The following FAM20C variants were observed in gnomAD, a reference collection of about 807,000 sequenced individuals.
The protein encoded by FAM20C is extracellular serine/threonine protein kinase FAM20C.
FAM20C carries 40 observed loss-of-function variants against 51.5 expected under a neutral mutation model. The ratio of observed to expected loss-of-function variants is 0.78; its 90% CI spans 0.60 to 1.01. The LOEUF (loss-of-function observed/expected upper bound fraction) is 1.01. Ranked by LOEUF, FAM20C falls within the 50% of genes least tolerant of loss-of-function variation. FAM20C has a pLI of 0.00. For synonymous variants in FAM20C, 406 were observed against 380.6 expected, an observed-to-expected ratio of 1.07 and a Z score of -0.78; for missense variants, 861 against 844.7, an observed-to-expected ratio of 1.02 and a Z score of -0.24.
intron 8 of FAM20C, among the ~76,000 whole-genome samples, chr7:258,005 C>T (rs1342568261): frequency 1.4e-5 from 1 of 72,972 alleles, no homozygotes; most frequent in Non-Finnish European, 2.8e-5. Flanking sequence ...GCCTGGGGTG[C>T]TGGAGATGGG....
In FAM20C at chr7:259,835, T is replaced by C. The variant is rs1267540009; in HGVS notation, c.1610T>C (p.Val537Ala). The C allele has an allele frequency of 6.5e-7, 1 of 1,536,130 alleles. No individual in the cohort carries two copies. Among genetic ancestry groups the C allele is most frequent in the East Asian group, 2.4e-5 (1 of 40,920 alleles). Residue 537 changes from valine to alanine, a missense_variant, in exon 10 of 10, where the codon GTG (valine) becomes GCG (alanine). Transcript: ENST00000313766. ...ESLRGDQVAP[V>A]LYQPHLEALD... ...CTGCGGGGGGACCAGGTGGCACCCG[T>C]GCTGTACCAGCCGCACCTGGAGGCC...
At chr7:259,602 C>G in intron 9 of FAM20C, 129 bp from the exon 10 acceptor site, 1 of 1,196,126 alleles carries the variant, frequency 8.4e-7, no homozygotes, top group Non-Finnish European at 1.1e-6. Context: ...TTCTCTCTGT[C>G]TCTGTCCCCC....
chr7:223,974 C>G lies in FAM20C; in HGVS notation c.863+14998C>G, dbSNP rs975791618. Among the ~76,000 whole-genome samples, 17 of 152,156 alleles carry G rather than the reference C, an allele frequency of 1.1e-4. 1 individual carries two copies. The highest frequency in any genetic ancestry group is 3.2e-3 in the Middle Eastern group (1 of 316). On this transcript the variant is annotated intron_variant, in intron 3 of 9. Transcript: ENST00000313766. Reference sequence around the variant, plus strand: ...GCCCGGCCCTCCACCCCAGGACCGTCCTGTGTCTGCCCCGGGCTCCCGGCC... The same window carrying G: ...GCCCGGCCCTCCACCCCAGGACCGTGCTGTGTCTGCCCCGGGCTCCCGGCC...
chr7:216,605 CTG>C (rs201044430), intron 3 of FAM20C, among the ~76,000 whole-genome samples: 8 of 144,908 alleles, frequency 5.5e-5, no homozygotes, highest in Non-Finnish European at 7.5e-5. Context: ...CTGGGAGTTT[CTG>C]TGTGTGTGTG....
intron 3 of FAM20C, among the ~76,000 whole-genome samples, chr7:215,148 T>C (rs1171851140): frequency 1.3e-5 from 2 of 150,840 alleles, no homozygotes; most frequent in Admixed American, 1.3e-4. Context: ...GTGGGAGTTA[T>C]GTACAGAGTG....
At chr7:259,404 C>T (rs1788778077) in intron 9 of FAM20C, among the ~76,000 whole-genome samples, 1 of 151,358 alleles carries the variant, frequency 6.6e-6, no homozygotes, top group Non-Finnish European at 1.5e-5. Flanking sequence ...GATCGCAGGC[C>T]CCTCTCTCGC....
intron 3 of FAM20C, among the ~76,000 whole-genome samples, chr7:240,866 G>A (rs1787926552): frequency 6.6e-6 from 1 of 152,206 alleles, no homozygotes; most frequent in Non-Finnish European, 1.5e-5. Context: ...CCATGGCAGG[G>A]CTGGCAGGGG....
chr7:251,228 GCGGCT>G lies in FAM20C; in HGVS notation c.1072+2800_1072+2804del, dbSNP rs1403985699. 5.4e-5 allele frequency among the ~76,000 whole-genome samples: 8 copies of G among 148,776 alleles called. No individual in the cohort carries two copies. The East Asian group carries it at 1.6e-3, about 30-fold the overall frequency. On this transcript the variant is annotated intron_variant, in intron 5 of 9. Transcript: ENST00000313766. ...CGGCTGCACTGAGTGGCCGGGCACG[GCGGCT>G]CACGCCTGCACTGAGTGGCCGGGCA...
intron 2 of FAM20C, among the ~76,000 whole-genome samples, chr7:199,863 A>T (rs1308803536): frequency 6.6e-6 from 1 of 152,204 alleles, no homozygotes; most frequent in African/African-American, 2.4e-5. Flanking sequence ...AATGAATGAC[A>T]TCCCACTGGC....
chr7:218,057 G>T (rs925352634), intron 3 of FAM20C, among the ~76,000 whole-genome samples: 1 of 152,182 alleles, frequency 6.6e-6, no homozygotes, highest in African/African-American at 2.4e-5. Flanking sequence ...GTGGGGTAGG[G>T]GTTGGACGCT....
At chr7:215,035 TA>T (rs1334386239) in intron 3 of FAM20C, among the ~76,000 whole-genome samples, 1 of 151,986 alleles carries the variant, frequency 6.6e-6, no homozygotes, top group African/African-American at 2.4e-5. Context: ...AGGTGCTGCC[TA>T]AACACTCCTC....
chr7:201,781 C>T (rs1043357986), intron 2 of FAM20C, among the ~76,000 whole-genome samples: 11 of 152,216 alleles, frequency 7.2e-5, no homozygotes, highest in African/African-American at 2.2e-4. Context: ...GCCTCTGTCT[C>T]GTGCTGTGAC....
At chr7:223,193 G>A (rs1424345581) in intron 3 of FAM20C, among the ~76,000 whole-genome samples, 1 of 152,146 alleles carries the variant, frequency 6.6e-6, no homozygotes, top group African/African-American at 2.4e-5. Flanking sequence ...GGCCTGGGGC[G>A]AGCTCCCTTC....
At chr7:233,320 C>T (rs948481066) in intron 3 of FAM20C, among the ~76,000 whole-genome samples, 5 of 152,328 alleles carry the variant, frequency 3.3e-5, no homozygotes, top group African/African-American at 1.2e-4. Flanking sequence ...GATGGCCTGA[C>T]TGGATTTGGA....
chr7:249,947 C>T (rs998144784), intron 5 of FAM20C, among the ~76,000 whole-genome samples: 5 of 152,100 alleles, frequency 3.3e-5, no homozygotes, highest in Non-Finnish European at 5.9e-5. Flanking sequence ...GTGGTCCCAG[C>T]GATGGTGGGC....
intron 3 of FAM20C, among the ~76,000 whole-genome samples, chr7:226,234 C>T (rs1375868141): frequency 6.6e-6 from 1 of 152,130 alleles, no homozygotes; most frequent in African/African-American, 2.4e-5. Context: ...CACCCCATGT[C>T]CCACCACAGA....
At chr7:208,828 C>G (rs1205257936) in intron 2 of FAM20C, 70 bp from the exon 3 acceptor site, 2 of 1,484,822 alleles carry the variant, frequency 1.3e-6, no homozygotes, top group Admixed American at 4.0e-5. Context: ...GCCAAGAGCC[C>G]TCGTCCGCAC....
intron 5 of FAM20C, among the ~76,000 whole-genome samples, 173 bp downstream of exon 5, chr7:248,603 T>C (rs1788270058): frequency 7.7e-6 from 1 of 129,336 alleles, no homozygotes; most frequent in Non-Finnish European, 1.6e-5. Context: ...GCCGCATTCA[T>C]CTCTTCAGGT....
At position 206,742 on chromosome 7, in the gene FAM20C, TGCTC is replaced by T. The variant is rs1562368391; in HGVS notation, c.785-2155_785-2152del. 5.4e-3 allele frequency among the ~76,000 whole-genome samples: 444 copies of T among 82,804 alleles called. 12 individuals carry two copies. The highest frequency in any genetic ancestry group is 0.02 in the East Asian group (43 of 2,140). 54.3% of individuals were successfully genotyped at this position (82,804 alleles called of 152,430 possible). A position where few individuals can be genotyped will look rare whatever the true frequency, so the allele number is the denominator to read the frequency against. On this transcript the variant is annotated intron_variant, in intron 2 of 9. Transcript: ENST00000313766. ...CATGGTCCCCTCGGCCCCGCACACGTGCTCACTGTCCACTGTGACGCGTCTGTCA... is the reference window on the plus strand; with the variant it reads ...CATGGTCCCCTCGGCCCCGCACACGTACTGTCCACTGTGACGCGTCTGTCA...
Sources: gnomAD v4.1 joint callset for allele counts (sites outside exome capture counted in the v4.1 genomes callset) on GRCh38, gnomAD v4.1.1 for gene constraint, MANE v1.5 for transcripts, NCBI Gene and HGNC (gene_info 2026-07-23, HGNC 2026-07-21) for gene names.